Variants in TMEM177 observed in about 807,000 individuals in gnomAD.
TMEM177 encodes transmembrane protein 177.
In TMEM177, 4 loss-of-function variants were observed where a neutral mutation model predicts 14.2. That is an observed-to-expected ratio of 0.28 (90% CI 0.14 to 0.64). The LOEUF is 0.64. TMEM177 is among the 30% of genes least tolerant of loss of function. TMEM177 has a pLI of 0.82. For synonymous variants in TMEM177, 179 were observed against 174.5 expected, an observed-to-expected ratio of 1.03 and a Z score of -0.20; for missense variants, 344 against 405.2, an observed-to-expected ratio of 0.85 and a Z score of 1.30.
the TMEM177 span, among the ~76,000 whole-genome samples, chr2:119,697,123 G>A: frequency 1.3e-5 from 2 of 152,230 alleles, no homozygotes; most frequent in Non-Finnish European, 2.9e-5. Context: ...ACAGTTCCCA[G>A]AGGTGCTGGT....
the TMEM177 span, among the ~76,000 whole-genome samples, chr2:119,703,424 G>T: frequency 6.6e-6 from 1 of 152,068 alleles, no homozygotes; most frequent in Non-Finnish European, 1.5e-5. Context: ...ATAATTATGG[G>T]CAAAGATGCC....
At chr2:119,683,819 C>T (rs555524568), downstream of TMEM177, among the ~76,000 whole-genome samples, 5 of 152,336 alleles carry the variant, frequency 3.3e-5, no homozygotes, top group East Asian at 7.7e-4. Context: ...TCGCATCCTC[C>T]AGTCCTCCAC....
chr2:119,680,904 A>G lies in TMEM177; in HGVS notation c.51A>G (p.Thr17=), dbSNP rs1206128466. Reference sequence around the variant, plus strand: ...CAGCATTTGTGCAGAGACACAGGACAGGCCTCTTGGTGGGTTCCTGTGCAG... The same window carrying G: ...CAGCATTTGTGCAGAGACACAGGACGGGCCTCTTGGTGGGTTCCTGTGCAG... ...RTAAFVQRHR[T]GLLVGSCAGL... Residue 17 remains threonine (T), a synonymous_variant, in exon 2 of 2, where the codon ACA becomes ACG. Coordinates refer to ENST00000272521, the MANE Select transcript of TMEM177 (RefSeq NM_030577.3). 1.2e-6 allele frequency: 2 copies of G among 1,614,204 alleles called. No individual in the cohort carries two copies.
At chr2:119,707,223 A>G in the TMEM177 span, among the ~76,000 whole-genome samples, 1 of 152,090 alleles carries the variant, frequency 6.6e-6, no homozygotes. Flanking sequence ...AGGATCACCC[A>G]CCCCGAGGAC....
chr2:119,707,185 G>A, the TMEM177 span, among the ~76,000 whole-genome samples: 2 of 152,120 alleles, frequency 1.3e-5, no homozygotes, highest in Admixed American at 6.5e-5. Flanking sequence ...CACTGCGCCC[G>A]GCCTGAGACT....
chr2:119,693,923 T>TAC, the TMEM177 span, among the ~76,000 whole-genome samples: 58 of 3,066 alleles, frequency 0.019, no homozygotes, highest in East Asian at 0.028. Context: ...ACATCACACA[T>TAC]GCCACACACA....
the TMEM177 span, among the ~76,000 whole-genome samples, chr2:119,706,413 A>G: frequency 6.6e-6 from 1 of 152,122 alleles, no homozygotes; most frequent in African/African-American, 2.4e-5. Flanking sequence ...TTCCAGATTC[A>G]CTGCTCAGAT....
chr2:119,680,786 A>G, intron 1 of TMEM177, 46 bp from the exon 2 acceptor site: 2 of 1,490,922 alleles, frequency 1.3e-6, no homozygotes, highest in Admixed American at 1.9e-5. Context: ...TTCAGTCTGC[A>G]GGCTGACCCA....
chr2:119,686,657 C>G (rs1410698260), downstream of TMEM177: 2 of 152,020 alleles, frequency 1.3e-5, no homozygotes, highest in African/African-American at 4.8e-5. Context: ...GCCTTGGCCT[C>G]CTGGACTCAA....
At chr2:119,686,815 A>G (rs1207689789), downstream of TMEM177, among the ~76,000 whole-genome samples, 1 of 151,864 alleles carries the variant, frequency 6.6e-6, no homozygotes, top group African/African-American at 2.4e-5. Flanking sequence ...AGATCCACAC[A>G]CCTCAGCCTC....
the TMEM177 span, among the ~76,000 whole-genome samples, chr2:119,694,412 A>T: frequency 3.3e-5 from 5 of 152,102 alleles, no homozygotes; most frequent in African/African-American, 1.2e-4. Context: ...ATGTTAACTC[A>T]CTGCCCCCAC....
At chr2:119,702,242 T>C in the TMEM177 span, among the ~76,000 whole-genome samples, 25 of 152,360 alleles carry the variant, frequency 1.6e-4, no homozygotes, top group Admixed American at 1.6e-3. Context: ...AGAAGCAAGA[T>C]GGAGTCGGTT....
chr2:119,713,905 C>T, the TMEM177 span, among the ~76,000 whole-genome samples: 1 of 152,234 alleles, frequency 6.6e-6, no homozygotes, highest in Non-Finnish European at 1.5e-5. Context: ...AGGGCAGACC[C>T]ACCACCAGGC....
intron 1 of TMEM177, among the ~76,000 whole-genome samples, chr2:119,680,563 G>A (rs1353737369): frequency 1.3e-5 from 2 of 152,200 alleles, no homozygotes; most frequent in Admixed American, 1.3e-4. Context: ...TGCTGTGCCA[G>A]ACACTAAATG....
the TMEM177 span, among the ~76,000 whole-genome samples, chr2:119,707,114 T>A: frequency 6.6e-6 from 1 of 152,148 alleles, no homozygotes; most frequent in South Asian, 2.1e-4. Context: ...GGTTTCGCCA[T>A]GTTAGCCAGG....
chr2:119,696,882 A>G, the TMEM177 span, among the ~76,000 whole-genome samples: 1 of 152,110 alleles, frequency 6.6e-6, no homozygotes, highest in Non-Finnish European at 1.5e-5. Context: ...GCCAGATTGT[A>G]TAGGGTCTTG....
the TMEM177 span, among the ~76,000 whole-genome samples, chr2:119,716,705 T>C: frequency 6.6e-6 from 1 of 152,198 alleles, no homozygotes; most frequent in East Asian, 1.9e-4. Flanking sequence ...ATCCAGAATA[T>C]AGATCCAATA....
chr2:119,705,523 A>G, the TMEM177 span, among the ~76,000 whole-genome samples: 3 of 152,070 alleles, frequency 2.0e-5, no homozygotes, highest in African/African-American at 7.2e-5. Flanking sequence ...GAGGTTGTCC[A>G]TAGTTCCTTG....
At chr2:119,716,911 A>G in the TMEM177 span, among the ~76,000 whole-genome samples, 6 of 151,572 alleles carry the variant, frequency 4.0e-5, no homozygotes, top group Admixed American at 3.9e-4. Context: ...TAGTAGTGCT[A>G]AACAGAGGTG....
Sources: gnomAD v4.1 joint callset for allele counts (sites outside exome capture counted in the v4.1 genomes callset) on GRCh38, gnomAD v4.1.1 for gene constraint, MANE v1.5 for transcripts, NCBI Gene and HGNC (gene_info 2026-07-23, HGNC 2026-07-21) for gene names.